The following TENM1 variants were observed in gnomAD, a reference collection of about 807,000 sequenced individuals.
TENM1 encodes the protein teneurin transmembrane protein 1, also known as teneurin-1.
TENM1 carries 35 observed loss-of-function variants against 174.8 expected under a neutral mutation model. That is an observed-to-expected ratio of 0.20 (90% CI 0.15 to 0.27). The LOEUF is 0.27. Among genes scored for constraint, TENM1 ranks in the 10% least tolerant of loss-of-function variants. The pLI is 1.00. For missense variants in TENM1, 1,633 were observed against 2,130.1 expected (o/e 0.77, Z 4.59); for synonymous variants, 781 against 798.7 (o/e 0.98, Z 0.37).
At chrX:124,685,363 A>AT (rs1268087919) in intron 5 of TENM1, among the ~76,000 whole-genome samples, 6 of 111,148 alleles carry the variant, frequency 5.4e-5, no homozygotes, top group Non-Finnish European at 7.5e-5. Context: ...AATAGAAGCC[A>AT]TAAAAAAAAA....
chrX:125,104,540 C>G, the TENM1 span, among the ~76,000 whole-genome samples: 1 of 111,594 alleles, frequency 9.0e-6, no homozygotes, highest in Non-Finnish European at 1.9e-5. Context: ...TAACTGGAAT[C>G]TACTCTTTAT....
chrX:124,639,904 C>G (rs1252374384), intron 11 of TENM1, among the ~76,000 whole-genome samples: 1 of 110,189 alleles, frequency 9.1e-6, no homozygotes, highest in Non-Finnish European at 1.9e-5. Flanking sequence ...CTCATAATAC[C>G]CAGAAACTTT....
chrX:125,096,626 A>G, the TENM1 span, among the ~76,000 whole-genome samples: 1 of 111,738 alleles, frequency 8.9e-6, no homozygotes, highest in African/African-American at 3.3e-5. Flanking sequence ...TGTTAAAGAG[A>G]ACACTCTTGA....
chrX:125,120,184 T>TA, the TENM1 span, among the ~76,000 whole-genome samples: 1 of 106,969 alleles, frequency 9.3e-6, no homozygotes, highest in Non-Finnish European at 1.9e-5. Context: ...AATATTTAAA[T>TA]ACTTGTCTGA....
intron 3 of TENM1, among the ~76,000 whole-genome samples, chrX:124,848,786 A>G (rs951717292): frequency 2.7e-5 from 3 of 111,437 alleles, no homozygotes; most frequent in Non-Finnish European, 3.8e-5. Context: ...TATTCAAGAA[A>G]CATTGTTTAA....
chrX:124,517,749 G>A (rs1297089493), intron 18 of TENM1, among the ~76,000 whole-genome samples: 2 of 108,966 alleles, frequency 1.8e-5, no homozygotes, highest in African/African-American at 6.7e-5. Flanking sequence ...CCAACATGGT[G>A]CATGTATACA....
chrX:125,079,327 A>C, the TENM1 span, among the ~76,000 whole-genome samples: 2 of 112,137 alleles, frequency 1.8e-5, no homozygotes, highest in African/African-American at 6.5e-5. Flanking sequence ...AAAGCAAGAT[A>C]TCTGAGGATA....
intron 11 of TENM1, among the ~76,000 whole-genome samples, chrX:124,589,043 G>A (rs2049646275): frequency 9.2e-6 from 1 of 109,127 alleles, no homozygotes; most frequent in South Asian, 3.9e-4. Flanking sequence ...GTTTGTCACA[G>A]ATCGCTTTTA....
rs1602977922 is a variant in TENM1, at chrX:124,676,924, G to A, written c.1016-5089C>T. On this transcript the variant is annotated intron_variant, in intron 5 of 31. Coordinates refer to ENST00000422452, the Ensembl canonical transcript of TENM1. ...TCAGAAGTAAATGTGGGAAATACATGCTGAATAACTTAGGCCTATGCTATC... is the reference window on the plus strand; with the variant it reads ...TCAGAAGTAAATGTGGGAAATACATACTGAATAACTTAGGCCTATGCTATC... 2.8e-5 allele frequency among the ~76,000 whole-genome samples: 3 copies of A among 108,183 alleles called. No individual in the cohort carries two copies. In the South Asian group the frequency reaches 1.2e-3, roughly 44 times the overall value. 93.9% of individuals were successfully genotyped at this position (108,183 alleles called of 115,157 possible). A position where few individuals can be genotyped will look rare whatever the true frequency, so the allele number is the denominator to read the frequency against.
At chrX:124,953,304 T>C (rs371026391) in intron 1 of TENM1, among the ~76,000 whole-genome samples, 13 of 112,275 alleles carry the variant, frequency 1.2e-4, no homozygotes, top group African/African-American at 4.2e-4. Context: ...ATAAATCCTA[T>C]GAACTGAAAC....
intron 1 of TENM1, among the ~76,000 whole-genome samples, chrX:124,911,447 C>T (rs145953103): frequency 0.011 from 1,188 of 111,422 alleles, 15 homozygotes; most frequent in African/African-American, 0.037. Flanking sequence ...TAGATCTATA[C>T]ATAAAGGGCT....
chrX:125,012,082 G>A, the TENM1 span, among the ~76,000 whole-genome samples: 2 of 111,465 alleles, frequency 1.8e-5, no homozygotes, highest in Admixed American at 1.9e-4. Context: ...ACTAACACAG[G>A]AACAGAAAAC....
At chrX:124,376,657 A>G (rs1453430765) in exon 32 of TENM1, 3 of 112,475 alleles carry the variant, frequency 2.7e-5, no homozygotes, top group African/African-American at 9.7e-5. Flanking sequence ...CATGAAGGAC[A>G]CACTGAAAAT....
rs1462828675 is a variant in TENM1, at chrX:124,386,183, CTG to C, written c.5689-121_5689-120del. The C allele has an allele frequency of 1.4e-5, 9 of 652,841 alleles. No individual in the cohort carries two copies. The African/African-American group carries it at 1.8e-4, about 13-fold the overall frequency. The allele number at this position is 652,841 out of a possible 1,213,427, so 53.8% of individuals were successfully genotyped here. On this transcript the variant is annotated intron_variant, in intron 28 of 31. Transcript: ENST00000422452. ...TCAAGCACTTACTGTGTGCCAGACA[CTG>C]TGGCAAACCCTAGTGGATACAGTAG...
chrX:124,382,199 C>A (rs2060165345), intron 31 of TENM1, among the ~76,000 whole-genome samples: 2 of 111,292 alleles, frequency 1.8e-5, no homozygotes, highest in Admixed American at 9.5e-5. Flanking sequence ...CAAAACTGTA[C>A]CCTTGTAATA....
chrX:124,412,618 T>C (rs1383639292), intron 25 of TENM1, among the ~76,000 whole-genome samples: 2 of 112,729 alleles, frequency 1.8e-5, no homozygotes, highest in African/African-American at 6.4e-5. Flanking sequence ...AAGAATTCTT[T>C]AGGAAATATG....
rs201409399 is a variant in TENM1 at position 124,628,590 on chromosome X, C to T, written c.2077+13201G>A. ...TGAAGAGGAGCTAAAGGAGAAGTGTCTCATTGGTTTCAATGAAAAGAAAAG... is the reference window on the plus strand; with the variant it reads ...TGAAGAGGAGCTAAAGGAGAAGTGTTTCATTGGTTTCAATGAAAAGAAAAG... On this transcript the variant is annotated intron_variant, in intron 11 of 31. Transcript: ENST00000422452. Among the ~76,000 whole-genome samples the T allele has an allele frequency of 4.5e-5, 5 of 111,261 alleles. No individual in the cohort carries two copies. In the East Asian group the frequency reaches 1.1e-3, roughly 25 times the overall value.
chrX:124,481,695 G>GTGTATATATATATA (rs1556647047), intron 22 of TENM1, 37 bp downstream of exon 25: 3,277 of 263,055 alleles, frequency 0.012, 30 homozygotes, highest in Middle Eastern at 0.02. Context: ...TGACCCAAGG[G>GTGTATATATATATA]TATATATATA....
exon 1 of TENM1, chrX:124,963,816 TC>T: frequency 1.1e-6 from 1 of 945,303 alleles, no homozygotes; most frequent in Non-Finnish European, 1.5e-6. Context: ...ATGCAAGCAG[TC>T]CTGGAAGAGA....
Sources: gnomAD v4.1 joint callset for allele counts (sites outside exome capture counted in the v4.1 genomes callset) on GRCh38, gnomAD v4.1.1 for gene constraint, MANE v1.5 for transcripts, NCBI Gene and HGNC (gene_info 2026-07-23, HGNC 2026-07-21) for gene names.